DENND4C: variants seen among roughly 807,000 people sequenced by gnomAD.
DENND4C encodes DENN domain containing 4C.
In DENND4C, 108 loss-of-function variants were observed where a neutral mutation model predicts 203.0. The observed-to-expected ratio is 0.53, with a 90% CI of 0.46 to 0.62. The LOEUF is 0.62. DENND4C is among the 20% of genes least tolerant of loss of function. The pLI, the probability that DENND4C is intolerant of heterozygous loss-of-function variation, is 0.00. For synonymous variants in DENND4C, 871 were observed against 792.4 expected (o/e 1.10, Z -1.67); for missense variants, 2,481 against 2,301.2 (o/e 1.08, Z -1.60).
intron 27 of DENND4C, 52 bp from the exon 28 acceptor site, chr9:19,357,913 T>G (rs1825734560): frequency 7.1e-7 from 1 of 1,406,928 alleles, no homozygotes; most frequent in Non-Finnish European, 9.7e-7. Flanking sequence ...CTCTACAGAT[T>G]TAGACTGTTT....
At chr9:19,240,802 A>G (rs10120868) in intron 1 of DENND4C, among the ~76,000 whole-genome samples, 1 of 152,056 alleles carries the variant, frequency 6.6e-6, no homozygotes, top group Non-Finnish European at 1.5e-5. Flanking sequence ...CTGTGTCTCT[A>G]CTAAAAACTC....
At chr9:19,367,346 C>T (rs1827895153) in intron 30 of DENND4C, among the ~76,000 whole-genome samples, 1 of 152,196 alleles carries the variant, frequency 6.6e-6, no homozygotes, top group African/African-American at 2.4e-5. Flanking sequence ...CACGTATATA[C>T]CTAAGAGAAA....
In DENND4C at chr9:19,356,484, G is replaced by A. The variant is rs373813858; in HGVS notation, c.4782-488G>A. On this transcript the variant is annotated intron_variant, in intron 26 of 32. Coordinates refer to ENST00000434457, the MANE Select transcript of DENND4C (RefSeq NM_001330640.2). Reference sequence around the variant, plus strand: ...CCCAAAGAGAGAAGGAGAGAGATAAGATGTAAATAAAACAATGAACAGAGA... The same window carrying A: ...CCCAAAGAGAGAAGGAGAGAGATAAAATGTAAATAAAACAATGAACAGAGA... Among the ~76,000 whole-genome samples the A allele has an allele frequency of 1.1e-3, 170 of 152,060 alleles. 3 individuals are homozygous for A. The highest frequency in any genetic ancestry group is 3.4e-3 in the Middle Eastern group (1 of 294).
At position 19,346,408 on chromosome 9, in the gene DENND4C, C is replaced by G. The variant is rs753504807; in HGVS notation, c.3639C>G (p.Asn1213Lys). 1 of 1,614,084 alleles carries G rather than the reference C, an allele frequency of 6.2e-7. No homozygotes were observed. Among genetic ancestry groups the G allele is most frequent in the Non-Finnish European group, 8.5e-7 (1 of 1,180,016 alleles). Residue 1213 changes from asparagine to lysine, a missense_variant, in exon 23 of 33, where the codon AAC (asparagine) becomes AAG (lysine). Asn to Lys is a moderately conservative substitution (Grantham distance 94). This residue lies in a region of DENND4C where 2,289 missense variants were observed against 2,113.3 expected (regional missense o/e 1.08). Transcript: ENST00000434457. ...DTYESLLSDS[N>K]SNQSRDLKTV... is the part of the protein sequence containing the mutation. ...ATGAGAGTCTACTAAGTGATAGTAA[C>G]AGTAATCAGTCCAGAGACTTGAAAA...
At chr9:19,326,473 G>A (rs866515633) in intron 15 of DENND4C, among the ~76,000 whole-genome samples, 45 of 152,068 alleles carry the variant, frequency 3.0e-4, no homozygotes, top group African/African-American at 9.9e-4. Flanking sequence ...GAGGCTCCCT[G>A]CTCCCTTTGG....
In DENND4C at chr9:19,316,352, G is replaced by T. The variant is rs1841849805; in HGVS notation, c.1488-65G>T. 3 of 1,327,654 alleles carry T rather than the reference G, an allele frequency of 2.3e-6. No homozygotes were observed. The African/African-American group carries it at 4.5e-5, about 20-fold the overall frequency. The allele number at this position is 1,327,654 out of a possible 1,614,324, so 82.2% of individuals were successfully genotyped here. On this transcript the variant is annotated intron_variant, in intron 10 of 32. Coordinates refer to ENST00000434457, the MANE Select transcript of DENND4C (RefSeq NM_001330640.2). The stretch of plus-strand genomic sequence containing the variant: ...ATTTTCTTGTTTTAGGTTGATGCAA[G>T]AATTTTGTCTAGTAAAAGCAGATTA...
chr9:19,371,133 C>G (rs1828758599), intron 31 of DENND4C, among the ~76,000 whole-genome samples: 1 of 152,024 alleles, frequency 6.6e-6, no homozygotes, highest in Non-Finnish European at 1.5e-5. Context: ...TTTTTTTTCT[C>G]TGTACATCAG....
At chr9:19,329,245 G>A (rs139481277) in intron 16 of DENND4C, among the ~76,000 whole-genome samples, 1 of 152,082 alleles carries the variant, frequency 6.6e-6, no homozygotes, top group African/African-American at 2.4e-5. Flanking sequence ...GCAGCCCTAG[G>A]CAACCACAAG....
Position 19,254,602 on chromosome 9 carries a change from G to A in DENND4C, c.-17-21556G>A, listed in dbSNP as rs115386075. ...GCCTGGGGAGGAGGTAGGGGAAATAGGGAGGGGATGTAATGTACAGCATGG... is the reference window on the plus strand; with the variant it reads ...GCCTGGGGAGGAGGTAGGGGAAATAAGGAGGGGATGTAATGTACAGCATGG... On this transcript the variant is annotated intron_variant, in intron 1 of 32. Coordinates refer to ENST00000434457, the MANE Select transcript of DENND4C (RefSeq NM_001330640.2). 4.2e-3 allele frequency among the ~76,000 whole-genome samples: 633 copies of A among 152,286 alleles called. 3 individuals carry two copies. The highest frequency in any genetic ancestry group is 0.015 in the African/African-American group (604 of 41,558).
intron 1 of DENND4C, among the ~76,000 whole-genome samples, chr9:19,267,211 A>G (rs2130767943): frequency 6.6e-6 from 1 of 152,298 alleles, no homozygotes; most frequent in African/African-American, 2.4e-5. Flanking sequence ...TGGGATGTTG[A>G]AGTTTCCAGC....
chr9:19,232,339 C>G (rs1000749136), intron 1 of DENND4C, among the ~76,000 whole-genome samples: 3 of 152,008 alleles, frequency 2.0e-5, no homozygotes, highest in African/African-American at 7.3e-5. Flanking sequence ...TCTCCGTTGA[C>G]CATTTTGCAA....
chr9:19,262,832 G>A (rs1295388138), intron 1 of DENND4C, among the ~76,000 whole-genome samples: 1 of 152,166 alleles, frequency 6.6e-6, no homozygotes, highest in Non-Finnish European at 1.5e-5. Context: ...GCCTCCCAAA[G>A]TGCTGGGATT....
chr9:19,332,870 G>A (rs942032740), intron 17 of DENND4C, among the ~76,000 whole-genome samples: 4 of 150,646 alleles, frequency 2.7e-5, no homozygotes, highest in African/African-American at 9.7e-5. Context: ...AAAGTGCAGG[G>A]ATTACAGGCA....
chr9:19,372,109 T>C lies in DENND4C; in HGVS notation c.5813T>C (p.Ile1938Thr), dbSNP rs373609529. Residue 1938 changes from isoleucine (I) to threonine (T), a missense_variant, in exon 33 of 33, where the codon ATT (isoleucine) becomes ACT (threonine). Around this residue, in one of 3 missense-constraint regions of DENND4C, gnomAD observed 2,289 missense variants for 2,113.3 expected, o/e 1.08. Coordinates refer to ENST00000434457, the MANE Select transcript of DENND4C (RefSeq NM_001330640.2). ...SSEILERLQK[I>T]DAPPSASVEW... ...GAGATTCTTGAAAGGTTGCAGAAAA[T>C]TGATGCTCCACCAAGTGCCAGTGTC... The C allele has an allele frequency of 5.0e-6, 8 of 1,613,942 alleles. No individual in the cohort carries two copies. Among genetic ancestry groups the C allele is most frequent in the South Asian group, 2.2e-5 (2 of 91,086 alleles).
intron 1 of DENND4C, among the ~76,000 whole-genome samples, chr9:19,265,399 G>A (rs952259744): frequency 6.6e-5 from 10 of 151,582 alleles, no homozygotes; most frequent in African/African-American, 1.5e-4. Flanking sequence ...ATGTGTTTAC[G>A]TAGTTCCCAA....
At chr9:19,287,852 C>A (rs1313413791) in intron 3 of DENND4C, among the ~76,000 whole-genome samples, 3 of 152,224 alleles carry the variant, frequency 2.0e-5, no homozygotes, top group Non-Finnish European at 4.4e-5. Context: ...CCTGTCTCAG[C>A]CTCCCAGGTA....
intron 12 of DENND4C, among the ~76,000 whole-genome samples, chr9:19,322,274 C>G (rs1843002644): frequency 6.6e-6 from 1 of 152,090 alleles, no homozygotes; most frequent in Admixed American, 6.5e-5. Context: ...CTCAGCCACC[C>G]TAATGCAGAT....
At chr9:19,351,994 C>A (rs1399365176) in intron 24 of DENND4C, 79 bp from the exon 25 acceptor site, 1 of 1,132,692 alleles carries the variant, frequency 8.8e-7, no homozygotes, top group Non-Finnish European at 1.3e-6. Context: ...TCTGTGTCCC[C>A]CCTAAATACT....
At chr9:19,361,148 C>T (rs1198769503) in intron 29 of DENND4C, among the ~76,000 whole-genome samples, 1 of 152,190 alleles carries the variant, frequency 6.6e-6, no homozygotes. Flanking sequence ...CAGGCGTGAG[C>T]GACTGTGCCC....
Sources: gnomAD v4.1 joint callset for allele counts (sites outside exome capture counted in the v4.1 genomes callset) on GRCh38, gnomAD v4.1.1 for gene constraint, gnomAD v4.1.1 regional missense constraint, MANE v1.5 for transcripts, NCBI Gene and HGNC (gene_info 2026-07-23, HGNC 2026-07-21) for gene names.